RAB15: variants seen among roughly 807,000 people sequenced by gnomAD.
RAB15 encodes RAB15, member RAS oncogene family.
In RAB15, 13 loss-of-function variants were observed where a neutral mutation model predicts 31.8. The ratio of observed to expected loss-of-function variants is 0.41; its 90% CI spans 0.27 to 0.65. The LOEUF is 0.65. Among genes scored for constraint, RAB15 ranks in the 30% least tolerant of loss-of-function variants. The probability of loss-of-function intolerance (pLI) is 0.32; values close to 1 mark genes in which losing one functional copy is unlikely to be tolerated. For missense variants in RAB15, 220 were observed against 277.3 expected (o/e 0.79, Z 1.47); for synonymous variants, 100 against 105.6 (o/e 0.95, Z 0.33).
Position 64,968,208 on chromosome 14 carries a change from C to T in RAB15, c.124+3745G>A, listed in dbSNP as rs1887237259. Among the ~76,000 whole-genome samples, 1 of 152,194 alleles carries T rather than the reference C, an allele frequency of 6.6e-6. No individual in the cohort carries two copies. The highest frequency in any genetic ancestry group is 2.1e-4 in the South Asian group (1 of 4,832). ...ACAGAGAGAGAAACAGAAGAATCTTCTCACTTTCCTGAAGAATCCCTTCTG... is the reference window on the plus strand; with the variant it reads ...ACAGAGAGAGAAACAGAAGAATCTTTTCACTTTCCTGAAGAATCCCTTCTG... On this transcript the variant is annotated intron_variant, in intron 1 of 6. Transcript: ENST00000533601. This position sits in a 1 kb window ranked among gnomAD's most constrained non-coding sequence, Gnocchi z 4.9.
In RAB15 at chr14:64,950,961, G is replaced by C. The variant is rs372852195; in HGVS notation, c.324+113C>G. On this transcript the variant is annotated intron_variant, in intron 4 of 6. Transcript: ENST00000533601. The surrounding 1 kb of genome is among the most constrained non-coding windows in gnomAD (Gnocchi z 5.6). The stretch of plus-strand genomic sequence containing the variant: ...TACTCACCCAGAGGTCTTCATCCAG[G>C]GCTGTGGAAGGCAAAGCTTCCTGGA... The C allele has an allele frequency of 6.2e-7, 1 of 1,613,348 alleles. No individual in the cohort carries two copies. Among genetic ancestry groups the C allele is most frequent in the Non-Finnish European group, 8.5e-7 (1 of 1,179,448 alleles).
chr14:64,971,306 G>A lies in RAB15; in HGVS notation c.124+647C>T, dbSNP rs1441693846. 1.3e-5 allele frequency among the ~76,000 whole-genome samples: 2 copies of A among 152,146 alleles called. No individual in the cohort carries two copies. Among genetic ancestry groups the A allele is most frequent in the African/African-American group, 4.8e-5 (2 of 41,438 alleles). On this transcript the variant is annotated intron_variant, in intron 1 of 6. Transcript: ENST00000533601. This position sits in a 1 kb window ranked among gnomAD's most constrained non-coding sequence, Gnocchi z 4.1. ...GCCTGCCTTCTGACCCCTTGGTCTG[G>A]GCAGGTATTCCTGACACTCCTCCAT...
chr14:64,966,254 G>A (rs1182124947), intron 1 of RAB15, among the ~76,000 whole-genome samples: 2 of 152,198 alleles, frequency 1.3e-5, no homozygotes, highest in Non-Finnish European at 2.9e-5. Context: ...CATGTAGTTG[G>A]TGTTCAGCAA....
At position 64,948,178 on chromosome 14, in the gene RAB15, C is replaced by A; in HGVS notation, c.*176G>T. The stretch of plus-strand genomic sequence containing the variant: ...AGGGTGGACGGGCTGGGGACAGGGG[C>A]TGCTTGAGATGACAGCAGAGCCGCT... On this transcript the variant is annotated 3_prime_UTR_variant, in exon 7 of 7. Transcript: ENST00000533601. This position sits in a 1 kb window ranked among gnomAD's most constrained non-coding sequence, Gnocchi z 7.0. 1.6e-6 allele frequency: 1 copy of A among 619,046 alleles called. No individual in the cohort carries two copies. Among genetic ancestry groups the A allele is most frequent in the Non-Finnish European group, 2.6e-6 (1 of 383,538 alleles). 38.3% of individuals were successfully genotyped at this position (619,046 alleles called of 1,614,324 possible).
rs1182202453 is a variant in RAB15, at chr14:64,953,903, AAGGCCTGAAGGCACCAGC to A, written c.125-1350_125-1333del. 5.1e-6 allele frequency: 5 copies of A among 985,294 alleles called. No individual in the cohort carries two copies. The allele number at this position is 985,294 out of a possible 1,614,324, so 61.0% of individuals were successfully genotyped here. A position where few individuals can be genotyped will look rare whatever the true frequency, so the allele number is the denominator to read the frequency against. ...CCACCAGCTGCACTGCCCGGCCCAG[AAGGCCTGAAGGCACCAGC>A]ATCCCCATCACCACTGCCACTCCAC... On this transcript the variant is annotated intron_variant, in intron 1 of 6. Coordinates refer to ENST00000533601, the MANE Select transcript of RAB15 (RefSeq NM_001308154.2). The surrounding 1 kb of genome is among the most constrained non-coding windows in gnomAD (Gnocchi z 4.6).
At position 64,951,284 on chromosome 14, in the gene RAB15, T is replaced by A; in HGVS notation, c.247-133A>T. 1 of 746,530 alleles carries A rather than the reference T, an allele frequency of 1.3e-6. No homozygotes were observed. Among genetic ancestry groups the A allele is most frequent in the South Asian group, 1.7e-5 (1 of 57,742 alleles). 46.2% of individuals were successfully genotyped at this position (746,530 alleles called of 1,614,324 possible). ...CCTGCTCAGCATCCAGAAATATCTC[T>A]TCTCTCAGACCCCACCACTGCCGCC... is the stretch of plus-strand genomic sequence containing the variant. On this transcript the variant is annotated intron_variant, in intron 3 of 6. Transcript: ENST00000533601. The surrounding 1 kb of genome is among the most constrained non-coding windows in gnomAD (Gnocchi z 7.2).
Position 64,950,272 on chromosome 14 carries a change from C to T in RAB15, c.414+53G>A, listed in dbSNP as rs1489302450. 1 of 1,460,724 alleles carries T rather than the reference C, an allele frequency of 6.8e-7. No homozygotes were observed. Among genetic ancestry groups the T allele is most frequent in the Non-Finnish European group, 9.6e-7 (1 of 1,041,464 alleles). 90.5% of individuals were successfully genotyped at this position (1,460,724 alleles called of 1,614,324 possible). A position where few individuals can be genotyped will look rare whatever the true frequency, so the allele number is the denominator to read the frequency against. On this transcript the variant is annotated intron_variant, in intron 5 of 6. Transcript: ENST00000533601. This position sits in a 1 kb window ranked among gnomAD's most constrained non-coding sequence, Gnocchi z 5.6. ...CTAGGTCCCCACGCTCAGGACTGGC[C>T]CTGGAGGCCCAGCAGAGGACCTGGG...
chr14:64,967,884 T>C (rs1594955508), intron 1 of RAB15, among the ~76,000 whole-genome samples: 1 of 152,164 alleles, frequency 6.6e-6, no homozygotes, highest in South Asian at 2.1e-4. Flanking sequence ...TGAGGGGCCA[T>C]TCAGAGGTTC....
In RAB15 at chr14:64,971,904, A is replaced by G; in HGVS notation, c.124+49T>C. On this transcript the variant is annotated intron_variant, in intron 1 of 6. Transcript: ENST00000533601. The surrounding 1 kb of genome is among the most constrained non-coding windows in gnomAD (Gnocchi z 4.1). The stretch of plus-strand genomic sequence containing the variant: ...AGCTGGGGACGGGGGCGGCGGGGAA[A>G]GGGGCCGCGGGCGGGGAGGGAGGGG... The G allele has an allele frequency of 7.0e-7, 1 of 1,421,122 alleles. No individual in the cohort carries two copies. The highest frequency in any genetic ancestry group is 9.5e-7 in the Non-Finnish European group (1 of 1,054,984). The allele number at this position is 1,421,122 out of a possible 1,614,324, so 88.0% of individuals were successfully genotyped here.
Position 64,971,989 on chromosome 14 carries a change from C to A in RAB15, c.88G>T (p.Asp30Tyr). The change falls in exon 1 of 7, where the codon GAC (aspartate) becomes TAC (tyrosine). Residue 30 changes from aspartate to tyrosine, a missense_variant. Asp to Tyr is a radical substitution (Grantham distance 160, BLOSUM62 -3). Transcript: ENST00000533601. This position sits in a 1 kb window ranked among gnomAD's most constrained non-coding sequence, Gnocchi z 4.1. Reference protein sequence around the residue: ...GKTCLLCRFTDNEFHSSHIST... With the variant: ...GKTCLLCRFTYNEFHSSHIST... ...ATGTGCGAGGAGTGGAACTCGTTGT[C>A]GGTGAAGCGGCACAGCAGGCAGGTC... The A allele has an allele frequency of 6.2e-7, 1 of 1,602,684 alleles. No homozygotes were observed. Among genetic ancestry groups the A allele is most frequent in the Non-Finnish European group, 8.5e-7 (1 of 1,174,886 alleles).
At position 64,951,202 on chromosome 14, in the gene RAB15, C is replaced by T; in HGVS notation, c.247-51G>A. 1 of 1,475,466 alleles carries T rather than the reference C, an allele frequency of 6.8e-7. No individual in the cohort carries two copies. Among genetic ancestry groups the T allele is most frequent in the Non-Finnish European group, 9.4e-7 (1 of 1,062,264 alleles). 91.4% of individuals were successfully genotyped at this position (1,475,466 alleles called of 1,614,324 possible). ...GTGATATGCACAGAGAGAGTGCAGT[C>T]ATGGGGCCAGAAGGGGCCGTGGAAA... On this transcript the variant is annotated intron_variant, in intron 3 of 6. Coordinates refer to ENST00000533601, the MANE Select transcript of RAB15 (RefSeq NM_001308154.2). The surrounding 1 kb of genome is among the most constrained non-coding windows in gnomAD (Gnocchi z 7.2).
In RAB15 at chr14:64,952,650, T is replaced by A; in HGVS notation, c.125-79A>T. The A allele has an allele frequency of 9.5e-7, 1 of 1,048,144 alleles. No individual in the cohort carries two copies. The highest frequency in any genetic ancestry group is 1.4e-6 in the Non-Finnish European group (1 of 691,852). 64.9% of individuals were successfully genotyped at this position (1,048,144 alleles called of 1,614,324 possible). ...CAGGAAAGGGCCAGGCAATCACACT[T>A]GAAAGGTTTCCTTTCAGTTTAATTT... On this transcript the variant is annotated intron_variant, in intron 1 of 6. Coordinates refer to ENST00000533601, the MANE Select transcript of RAB15 (RefSeq NM_001308154.2). This position sits in a 1 kb window ranked among gnomAD's most constrained non-coding sequence, Gnocchi z 4.2.
At position 64,948,842 on chromosome 14, in the gene RAB15, G is replaced by A. The variant is rs915374363; in HGVS notation, c.415-109C>T. 9 of 934,864 alleles carry A rather than the reference G, an allele frequency of 9.6e-6. No individual in the cohort carries two copies. Among genetic ancestry groups the A allele is most frequent in the Admixed American group, 2.1e-5 (1 of 47,194 alleles). 57.9% of individuals were successfully genotyped at this position (934,864 alleles called of 1,614,324 possible). A position where few individuals can be genotyped will look rare whatever the true frequency, so the allele number is the denominator to read the frequency against. ...ACTCACAACCATGCTGTGTTGTGACGATTTCTCAGAGTAGATAATTTCTCA... is the reference window on the plus strand; with the variant it reads ...ACTCACAACCATGCTGTGTTGTGACAATTTCTCAGAGTAGATAATTTCTCA... On this transcript the variant is annotated intron_variant, in intron 5 of 6. Transcript: ENST00000533601. This position sits in a 1 kb window ranked among gnomAD's most constrained non-coding sequence, Gnocchi z 7.0.
chr14:64,950,319 A>G lies in RAB15; in HGVS notation c.414+6T>C. 6.2e-7 allele frequency: 1 copy of G among 1,613,012 alleles called. No homozygotes were observed. On this transcript the variant is annotated splice_donor_region_variant and intron_variant, in intron 5 of 6. Transcript: ENST00000533601. This position sits in a 1 kb window ranked among gnomAD's most constrained non-coding sequence, Gnocchi z 5.6. ...TGGGGTGGACTTGCCTTTTCCCTCCACTTACCTGCTGCCCTTGCTCTCTTC... is the reference window on the plus strand; with the variant it reads ...TGGGGTGGACTTGCCTTTTCCCTCCGCTTACCTGCTGCCCTTGCTCTCTTC...
At position 64,951,584 on chromosome 14, in the gene RAB15, C is replaced by T. The variant is rs1190158802; in HGVS notation, c.246+19G>A. 2 of 1,612,482 alleles carry T rather than the reference C, an allele frequency of 1.2e-6. No homozygotes were observed. The highest frequency in any genetic ancestry group is 3.3e-5 in the Admixed American group (2 of 60,016). ...GGGTGGCAGCTTCCCACTTTGAAACCCCCAATGTGGTGGCTTACCTGGGCC... is the reference window on the plus strand; with the variant it reads ...GGGTGGCAGCTTCCCACTTTGAAACTCCCAATGTGGTGGCTTACCTGGGCC... On this transcript the variant is annotated intron_variant, in intron 3 of 6. Coordinates refer to ENST00000533601, the MANE Select transcript of RAB15 (RefSeq NM_001308154.2). This position sits in a 1 kb window ranked among gnomAD's most constrained non-coding sequence, Gnocchi z 7.2.
At position 64,950,700 on chromosome 14, in the gene RAB15, TCTACAGGAAC is replaced by T; in HGVS notation, c.325-296_325-287del. ...CATTGGATGTAAGTCCAGCCCTCAT[TCTACAGGAAC>T]TGGGGACCCAGAGGATTCAAATGGC... On this transcript the variant is annotated intron_variant, in intron 4 of 6. Transcript: ENST00000533601. This position sits in a 1 kb window ranked among gnomAD's most constrained non-coding sequence, Gnocchi z 5.6. 1 of 595,090 alleles carries T rather than the reference TCTACAGGAAC, an allele frequency of 1.7e-6. No individual in the cohort carries two copies. 36.9% of individuals were successfully genotyped at this position (595,090 alleles called of 1,614,324 possible).
chr14:64,952,588 A>G lies in RAB15; in HGVS notation c.125-17T>C. The G allele has an allele frequency of 1.9e-6, 3 of 1,595,402 alleles. No homozygotes were observed. The highest frequency in any genetic ancestry group is 1.7e-6 in the Non-Finnish European group (2 of 1,164,268). ...AGTCAACACCTGAAGAAAGGAAGAA[A>G]GAAAGAAAGTTAGAAAGCGTACCCA... On this transcript the variant is annotated splice_polypyrimidine_tract_variant and intron_variant, in intron 1 of 6. Coordinates refer to ENST00000533601, the MANE Select transcript of RAB15 (RefSeq NM_001308154.2). This position sits in a 1 kb window ranked among gnomAD's most constrained non-coding sequence, Gnocchi z 4.2.
rs1295682195 is a variant in RAB15 at position 64,970,935 on chromosome 14, T to C, written c.124+1018A>G. 2.0e-5 allele frequency among the ~76,000 whole-genome samples: 3 copies of C among 152,262 alleles called. No individual in the cohort carries two copies. Among genetic ancestry groups the C allele is most frequent in the African/African-American group, 7.2e-5 (3 of 41,548 alleles). On this transcript the variant is annotated intron_variant, in intron 1 of 6. Transcript: ENST00000533601. The surrounding 1 kb of genome is among the most constrained non-coding windows in gnomAD (Gnocchi z 4.1). Reference sequence around the variant, plus strand: ...TGGACATGAATCCTCAAGAGGAAGCTGAGAGCTGGTGCCCATCCCTGATGG... The same window carrying C: ...TGGACATGAATCCTCAAGAGGAAGCCGAGAGCTGGTGCCCATCCCTGATGG...
At chr14:64,960,944 G>T (rs1184582149) in intron 1 of RAB15, among the ~76,000 whole-genome samples, 1 of 152,192 alleles carries the variant, frequency 6.6e-6, no homozygotes, top group Non-Finnish European at 1.5e-5. Flanking sequence ...CTACTAGCGG[G>T]CCAGCACCTC....
Sources: allele counts gnomAD v4.1 joint callset (sites outside exome capture counted in the v4.1 genomes callset), GRCh38; gene constraint gnomAD v4.1.1; non-coding constraint Gnocchi (gnomAD v3.1); transcripts MANE v1.5; gene names NCBI Gene and HGNC (gene_info 2026-07-23, HGNC 2026-07-21).